Variants in BAZ2B observed in about 807,000 individuals in gnomAD.
BAZ2B encodes bromodomain adjacent to zinc finger domain 2B.
Under a neutral mutation model 246.0 loss-of-function variants are expected in BAZ2B, and 91 were observed. That is an observed-to-expected ratio of 0.37 (90% confidence interval 0.31 to 0.44). The LOEUF (loss-of-function observed/expected upper bound fraction) is 0.44, where lower values mean the gene tolerates loss of function less well. BAZ2B is among the 20% of genes least tolerant of loss of function. BAZ2B has a pLI of 1.00. For synonymous variants in BAZ2B, 855 were observed against 860.0 expected (o/e 0.99, Z 0.10); for missense variants, 2,332 against 2,533.7 (o/e 0.92, Z 1.71).
chr2:159,438,866 A>C, intron 7 of BAZ2B, 143 bp downstream of exon 7: 2 of 1,232,108 alleles, frequency 1.6e-6, no homozygotes, highest in Non-Finnish European at 2.2e-6. Flanking sequence ...CTTTAAAAAC[A>C]TTTCTTCATC....
chr2:159,559,844 C>T (rs926764716), intron 1 of BAZ2B, among the ~76,000 whole-genome samples: 1 of 152,162 alleles, frequency 6.6e-6, no homozygotes, highest in Non-Finnish European at 1.5e-5. Context: ...AGTAATGTTA[C>T]ATTTTATGAA....
chr2:159,566,200 G>T (rs1199458734), intron 1 of BAZ2B, among the ~76,000 whole-genome samples: 1 of 151,904 alleles, frequency 6.6e-6, no homozygotes, highest in Non-Finnish European at 1.5e-5. Context: ...TAGTAGAGAT[G>T]GGGTTTCTCC....
At chr2:159,532,032 C>T (rs556628076) in intron 2 of BAZ2B, among the ~76,000 whole-genome samples, 1 of 152,226 alleles carries the variant, frequency 6.6e-6, no homozygotes, top group Non-Finnish European at 1.5e-5. Context: ...TTTTCAATGG[C>T]TTAGAAACTA....
rs549256264 is a variant in BAZ2B at position 159,473,150 on chromosome 2, G to C, written c.145+5425C>G. 1.0e-3 allele frequency among the ~76,000 whole-genome samples: 154 copies of C among 152,010 alleles called. 1 individual carries two copies. Among genetic ancestry groups the C allele is most frequent in the Non-Finnish European group, 1.8e-3 (119 of 67,934 alleles). On this transcript the variant is annotated intron_variant, in intron 3 of 36. Transcript: ENST00000392783. ...TTGGTTGGTAGACTATTAGTTACTG[G>C]CTCCTCTTTGTACCTCTGGTAGAAT...
intron 34 of BAZ2B, among the ~76,000 whole-genome samples, chr2:159,326,502 A>C (rs1435246710): frequency 6.6e-6 from 1 of 152,208 alleles, no homozygotes; most frequent in Non-Finnish European, 1.5e-5. Flanking sequence ...GGTGTGAACA[A>C]AGCAGTGGTG....
At chr2:159,325,566 G>C in intron 35 of BAZ2B, 87 bp downstream of exon 35, 1 of 1,377,064 alleles carries the variant, frequency 7.3e-7, no homozygotes, top group Non-Finnish European at 9.8e-7. Flanking sequence ...TAAATTATCA[G>C]AAAGAAAGCT....
At chr2:159,662,596 C>T in the BAZ2B span, among the ~76,000 whole-genome samples, 1 of 152,196 alleles carries the variant, frequency 6.6e-6, no homozygotes, top group Non-Finnish European at 1.5e-5. Flanking sequence ...GTGATCTCTG[C>T]TCACTGCAAT....
At chr2:159,697,536 T>C in the BAZ2B span, among the ~76,000 whole-genome samples, 2 of 152,196 alleles carry the variant, frequency 1.3e-5, no homozygotes, top group African/African-American at 2.4e-5. Flanking sequence ...GACAATCATT[T>C]TTATATTTAA....
At chr2:159,370,631 C>T (rs2060747439) in intron 27 of BAZ2B, among the ~76,000 whole-genome samples, 1 of 152,126 alleles carries the variant, frequency 6.6e-6, no homozygotes, top group African/African-American at 2.4e-5. Flanking sequence ...CTCCGCCTCC[C>T]AAAGTGCTGG....
the BAZ2B span, among the ~76,000 whole-genome samples, chr2:159,691,931 G>A: frequency 5.9e-5 from 9 of 152,144 alleles, no homozygotes; most frequent in African/African-American, 1.2e-4. Context: ...GCAGTACAAC[G>A]TGCTACAATT....
At chr2:159,591,478 T>G (rs909394000) in intron 1 of BAZ2B, among the ~76,000 whole-genome samples, 1 of 152,182 alleles carries the variant, frequency 6.6e-6, no homozygotes, top group African/African-American at 2.4e-5. Flanking sequence ...CACTTTAAGA[T>G]AACAGCTAAG....
At chr2:159,584,854 T>G (rs1687684055) in intron 1 of BAZ2B, among the ~76,000 whole-genome samples, 1 of 152,086 alleles carries the variant, frequency 6.6e-6, no homozygotes, top group African/African-American at 2.4e-5. Flanking sequence ...CAATAGTGAG[T>G]TCTTGGGAGA....
At chr2:159,384,952 C>T (rs895987034) in intron 23 of BAZ2B, among the ~76,000 whole-genome samples, 4 of 151,956 alleles carry the variant, frequency 2.6e-5, no homozygotes, top group Non-Finnish European at 4.4e-5. Context: ...ACAGTATAAT[C>T]CAAATTTTTT....
chr2:159,671,161 G>C, the BAZ2B span, among the ~76,000 whole-genome samples: 1 of 152,060 alleles, frequency 6.6e-6, no homozygotes, highest in Admixed American at 6.6e-5. Context: ...GATTTTGTCA[G>C]GTCAAATACA....
chr2:159,489,976 TCCA>T (rs2080261159), intron 2 of BAZ2B, among the ~76,000 whole-genome samples: 1 of 152,150 alleles, frequency 6.6e-6, no homozygotes, highest in African/African-American at 2.4e-5. Flanking sequence ...CTATACAGCT[TCCA>T]TCAATTTATT....
chr2:159,648,438 C>T, the BAZ2B span, among the ~76,000 whole-genome samples: 1 of 152,178 alleles, frequency 6.6e-6, no homozygotes, highest in East Asian at 1.9e-4. Context: ...GCCTTCAGCC[C>T]CTCTTGCTCC....
chr2:159,410,989 GATTA>G lies in BAZ2B; in HGVS notation c.2677+1342_2677+1345del, dbSNP rs1399926300. 4.6e-5 allele frequency among the ~76,000 whole-genome samples: 7 copies of G among 152,274 alleles called. No homozygotes were observed. In the East Asian group the frequency reaches 1.3e-3, roughly 29 times the overall value. ...GTATGTGTGTACATATTTCTGGAAAGATTAATTATTCCACTGATAACAATGAGAA... is the reference window on the plus strand; with the variant it reads ...GTATGTGTGTACATATTTCTGGAAAGATTATTCCACTGATAACAATGAGAA... On this transcript the variant is annotated intron_variant, in intron 14 of 36. Transcript: ENST00000392783.
intron 5 of BAZ2B, among the ~76,000 whole-genome samples, chr2:159,448,010 A>G (rs1286615734): frequency 6.6e-6 from 1 of 151,990 alleles, no homozygotes; most frequent in Non-Finnish European, 1.5e-5. Flanking sequence ...ACATGACTGT[A>G]GTCCTTGGGA....
chr2:159,574,624 G>A (rs192549183), intron 1 of BAZ2B, among the ~76,000 whole-genome samples: 95 of 152,198 alleles, frequency 6.2e-4, no homozygotes, highest in Middle Eastern at 3.4e-3. Context: ...TTATTCAAGT[G>A]TTCATCAAAT....
Sources: gnomAD v4.1 joint callset for allele counts (sites outside exome capture counted in the v4.1 genomes callset) on GRCh38, gnomAD v4.1.1 for gene constraint, MANE v1.5 for transcripts, NCBI Gene and HGNC (gene_info 2026-07-23, HGNC 2026-07-21) for gene names.